CHD1: variants seen among roughly 807,000 people sequenced by gnomAD.
CHD1 encodes the protein chromodomain helicase DNA binding protein 1.
CHD1 carries 36 observed loss-of-function variants against 224.2 expected under a neutral mutation model. That is an observed-to-expected ratio of 0.16 (90% CI 0.12 to 0.21). CHD1 has a LOEUF of 0.21. Ranked by LOEUF, CHD1 falls within the 10% of genes least tolerant of loss-of-function variation. The pLI, the probability that CHD1 is intolerant of heterozygous loss-of-function variation, is 1.00. For missense variants in CHD1, 1,378 were observed against 1,994.8 expected (o/e 0.69, Z 5.89); for synonymous variants, 668 against 658.3 (o/e 1.01, Z -0.23).
intron 13 of CHD1, among the ~76,000 whole-genome samples, chr5:98,893,990 T>C (rs1213187515): frequency 6.6e-6 from 1 of 152,194 alleles, no homozygotes; most frequent in Non-Finnish European, 1.5e-5. Context: ...TTATTCCAAG[T>C]GTAGGTACAA....
chr5:98,883,066 T>C, intron 19 of CHD1, 22 bp downstream of exon 19: 1 of 1,339,720 alleles, frequency 7.5e-7, no homozygotes. Flanking sequence ...AGCAATATAA[T>C]ATAAATTAAA....
chr5:98,871,415 C>T (rs1052629308), intron 28 of CHD1, among the ~76,000 whole-genome samples: 9 of 119,456 alleles, frequency 7.5e-5, no homozygotes, highest in Non-Finnish European at 1.4e-4. Context: ...TCAGCTAGCA[C>T]AGTGCAACCA....
At chr5:98,922,275 T>C (rs1208698632) in intron 2 of CHD1, among the ~76,000 whole-genome samples, 1 of 152,230 alleles carries the variant, frequency 6.6e-6, no homozygotes, top group East Asian at 1.9e-4. Flanking sequence ...TCCAGCATTA[T>C]CTTTAAAAAG....
chr5:98,903,911 A>G lies in CHD1; in HGVS notation c.256-3T>C, dbSNP rs367643353. The G allele has an allele frequency of 6.5e-7, 1 of 1,549,258 alleles. No individual in the cohort carries two copies. The highest frequency in any genetic ancestry group is 8.8e-7 in the Non-Finnish European group (1 of 1,132,592). Reference sequence around the variant, plus strand: ...ATACTAGGACTAGATTTCCAAAACTATAATAGAAATATAAACCAGTGAATG... The same window carrying G: ...ATACTAGGACTAGATTTCCAAAACTGTAATAGAAATATAAACCAGTGAATG... On this transcript the variant is annotated splice_polypyrimidine_tract_variant and splice_region_variant and intron_variant, in intron 3 of 35. Coordinates refer to ENST00000614616, the MANE Select transcript of CHD1 (RefSeq NM_001270.4).
intron 15 of CHD1, among the ~76,000 whole-genome samples, chr5:98,892,291 CAATT>C (rs1209626712): frequency 2.6e-5 from 4 of 152,194 alleles, no homozygotes; most frequent in South Asian, 4.1e-4. Flanking sequence ...TATAGGAAAG[CAATT>C]AATTATGTGT....
chr5:98,868,786 T>C (rs552310572), intron 30 of CHD1, 151 bp from the exon 31 acceptor site: 6 of 815,320 alleles, frequency 7.4e-6, no homozygotes, highest in Admixed American at 3.3e-5. Context: ...TTTGTTTTTT[T>C]CCCCAATTTT....
At chr5:98,860,178 C>T (rs1032906048) in intron 32 of CHD1, 110 bp from the exon 33 acceptor site, 4 of 692,972 alleles carry the variant, frequency 5.8e-6, no homozygotes, top group Non-Finnish European at 1.1e-5. Context: ...ATACACAGCC[C>T]TCTATGGAAC....
At chr5:98,874,827 C>T (rs747560585) in intron 25 of CHD1, among the ~76,000 whole-genome samples, 1 of 151,938 alleles carries the variant, frequency 6.6e-6, no homozygotes, top group Non-Finnish European at 1.5e-5. Flanking sequence ...AAGTGCCTTA[C>T]CGTCATAAAA....
intron 2 of CHD1, among the ~76,000 whole-genome samples, chr5:98,924,758 T>C (rs539659867): frequency 1.8e-4 from 28 of 152,220 alleles, no homozygotes; most frequent in Admixed American, 3.3e-4. Context: ...GGTGGATCAC[T>C]TGAGGCCAGG....
At chr5:98,901,442 CTGT>C in intron 5 of CHD1, 107 bp from the exon 6 acceptor site, 1 of 843,166 alleles carries the variant, frequency 1.2e-6, no homozygotes, top group Middle Eastern at 2.4e-4. Flanking sequence ...ATCAAAAATA[CTGT>C]TGCTTTTACT....
intron 2 of CHD1, among the ~76,000 whole-genome samples, chr5:98,913,474 T>TA (rs1166533371): frequency 2.6e-5 from 4 of 152,016 alleles, no homozygotes; most frequent in South Asian, 2.1e-4. Context: ...CCCTAACTCT[T>TA]AAAAAAAGGG....
intron 30 of CHD1, 132 bp downstream of exon 30, chr5:98,869,622 G>GCACA (rs113502266): frequency 0.064 from 45,531 of 714,584 alleles, 438 homozygotes; most frequent in East Asian, 0.11. Context: ...ACGTGCGCGC[G>GCACA]CACACACACA....
At chr5:98,896,113 C>T (rs1163717492) in intron 12 of CHD1, 113 bp downstream of exon 12, 1 of 841,032 alleles carries the variant, frequency 1.2e-6, no homozygotes, top group South Asian at 1.6e-5. Flanking sequence ...CAAGATCATA[C>T]CACTGCACTC....
intron 20 of CHD1, among the ~76,000 whole-genome samples, chr5:98,881,737 TA>T (rs1750205901): frequency 1.3e-5 from 2 of 152,244 alleles, no homozygotes; most frequent in South Asian, 4.1e-4. Context: ...ATATTTATTT[TA>T]AAATAAGGAA....
At position 98,856,364 on chromosome 5, in the gene CHD1, G is replaced by C; in HGVS notation, c.*16C>G. On this transcript the variant is annotated 3_prime_UTR_variant, in exon 36 of 36. Coordinates refer to ENST00000614616, the MANE Select transcript of CHD1 (RefSeq NM_001270.4). ...GGCTAAAAGAAAAGTCCAGAAAGAC[G>C]AAGTATCAGTTTTTGTTATGTTTTC... 1.3e-6 allele frequency: 2 copies of C among 1,585,024 alleles called. No homozygotes were observed. The highest frequency in any genetic ancestry group is 1.7e-6 in the Non-Finnish European group (2 of 1,155,878).
At chr5:98,879,531 T>C (rs200540198) in intron 23 of CHD1, 21 bp downstream of exon 23, 235 of 1,575,064 alleles carry the variant, frequency 1.5e-4, no homozygotes, top group Non-Finnish European at 2.0e-4. Context: ...TATAGAAATA[T>C]CTTTAAAATT....
chr5:98,903,861 G>A lies in CHD1; in HGVS notation c.303C>T (p.Ile101=), dbSNP rs370630261. The A allele has an allele frequency of 1.2e-6, 2 of 1,612,870 alleles. No individual in the cohort carries two copies. The highest frequency in any genetic ancestry group is 2.7e-5 in the African/African-American group (2 of 74,864). The change falls in exon 4 of 36, where the codon ATC becomes ATT. Residue 101 remains isoleucine (I), a synonymous_variant. Coordinates refer to ENST00000614616, the MANE Select transcript of CHD1 (RefSeq NM_001270.4). ...GCTGCTGCTGTTGCTGCTTCTTGAG[G>A]ATTGCAGATCTCTGAACGGCCAGAA... ...PSILAVQRSA[I]LKKQQQQQQQ... is the part of the protein sequence containing the mutation.
rs753030900 is a variant in CHD1 at position 98,902,972 on chromosome 5, A to G, written c.373-8T>C. Reference sequence around the variant, plus strand: ...TTCACTGCTAGAGGAATCCTGTAGAAAAGAAATAAAGTCAGTATCATCCAC... The same window carrying G: ...TTCACTGCTAGAGGAATCCTGTAGAGAAGAAATAAAGTCAGTATCATCCAC... On this transcript the variant is annotated splice_polypyrimidine_tract_variant and splice_region_variant and intron_variant, in intron 4 of 35. Coordinates refer to ENST00000614616, the MANE Select transcript of CHD1 (RefSeq NM_001270.4). 3 of 1,558,302 alleles carry G rather than the reference A, an allele frequency of 1.9e-6. No individual in the cohort carries two copies. Among genetic ancestry groups the G allele is most frequent in the South Asian group, 2.3e-5 (2 of 88,702 alleles).
chr5:98,899,776 T>C (rs1751573459), intron 7 of CHD1, 71 bp from the exon 8 acceptor site: 1 of 1,066,244 alleles, frequency 9.4e-7, no homozygotes, highest in African/African-American at 1.6e-5. Flanking sequence ...ACTCAAAATT[T>C]CAATAATATG....
Sources: gnomAD v4.1 joint callset for allele counts (sites outside exome capture counted in the v4.1 genomes callset) on GRCh38, gnomAD v4.1.1 for gene constraint, MANE v1.5 for transcripts, NCBI Gene and HGNC (gene_info 2026-07-23, HGNC 2026-07-21) for gene names.